ZCCHC4: variants seen among roughly 807,000 people sequenced by gnomAD.
The protein encoded by ZCCHC4 is zinc finger CCHC-type containing 4.
A neutral mutation model predicts 67.7 loss-of-function variants in ZCCHC4; 54 were observed. The ratio of observed to expected loss-of-function variants is 0.80; its 90% CI spans 0.64 to 1.00. The LOEUF is 1.00. ZCCHC4 is among the 50% of genes least tolerant of loss of function. The pLI, the probability that ZCCHC4 is intolerant of heterozygous loss-of-function variation, is 0.00. For synonymous variants in ZCCHC4, 198 were observed against 213.5 expected, an observed-to-expected ratio of 0.93 and a Z score of 0.63; for missense variants, 609 against 617.0, an observed-to-expected ratio of 0.99 and a Z score of 0.14.
chr4:25,340,819 T>A (rs1381662979), intron 5 of ZCCHC4, among the ~76,000 whole-genome samples: 9 of 152,188 alleles, frequency 5.9e-5, no homozygotes, highest in East Asian at 1.9e-4. Flanking sequence ...CTTTAAAAAA[T>A]TTTTCAAAAA....
At chr4:25,342,134 A>G (rs1010120706) in intron 5 of ZCCHC4, among the ~76,000 whole-genome samples, 2 of 152,144 alleles carry the variant, frequency 1.3e-5, no homozygotes, top group African/African-American at 4.8e-5. Flanking sequence ...AGAGGTCAAC[A>G]ATAGTTCTTA....
At chr4:25,347,013 G>C (rs1720056089) in intron 6 of ZCCHC4, among the ~76,000 whole-genome samples, 1 of 152,178 alleles carries the variant, frequency 6.6e-6, no homozygotes, top group African/African-American at 2.4e-5. Flanking sequence ...TTCTAACAGA[G>C]GGAAGTGAAG....
At position 25,369,494 on chromosome 4, in the gene ZCCHC4, C is replaced by T. The variant is rs557556514; in HGVS notation, c.*330C>T. 2.5e-5 allele frequency: 6 copies of T among 238,928 alleles called. No homozygotes were observed. The highest frequency in any genetic ancestry group is 1.8e-4 in the South Asian group (3 of 16,934). The allele number at this position is 238,928 out of a possible 1,614,324, so 14.8% of individuals were successfully genotyped here. Reference sequence around the variant, plus strand: ...TGTCTCCCAGGCTAGAGTGCAATGGCACAACCTCAGCTCACTGCAACCTCT... The same window carrying T: ...TGTCTCCCAGGCTAGAGTGCAATGGTACAACCTCAGCTCACTGCAACCTCT... On this transcript the variant is annotated 3_prime_UTR_variant, in exon 13 of 13. Coordinates refer to ENST00000302874, the MANE Select transcript of ZCCHC4 (RefSeq NM_024936.3).
At chr4:25,342,540 A>G (rs1483165164) in intron 5 of ZCCHC4, among the ~76,000 whole-genome samples, 2 of 152,248 alleles carry the variant, frequency 1.3e-5, no homozygotes, top group East Asian at 1.9e-4. Flanking sequence ...ATGTCAAAAA[A>G]TGAATTTCTT....
rs777768505 is a variant in ZCCHC4 at position 25,324,014 on chromosome 4, G to GGTTTTTTTTTTTTTTTT, written c.329+8614_329+8615insGTTTTTTTTTTTTTTTT. 1.6e-3 allele frequency among the ~76,000 whole-genome samples: 132 copies of GGTTTTTTTTTTTTTTTT among 82,432 alleles called. 2 individuals carry two copies. The highest frequency in any genetic ancestry group is 2.3e-3 in the African/African-American group (44 of 19,174). The allele number at this position is 82,432 out of a possible 152,430, so 54.1% of individuals were successfully genotyped here. A position where few individuals can be genotyped will look rare whatever the true frequency, so the allele number is the denominator to read the frequency against. ...TCGTACAGTATGTACTGTTTTTTGT[G>GGTTTTTTTTTTTTTTTT]TTTTTTTTTTTTTTTTGAGACAGAG... On this transcript the variant is annotated intron_variant, in intron 3 of 12. Transcript: ENST00000302874.
chr4:25,357,521 A>T (rs535582670), intron 8 of ZCCHC4, among the ~76,000 whole-genome samples: 5 of 152,186 alleles, frequency 3.3e-5, no homozygotes, highest in Non-Finnish European at 7.3e-5. Flanking sequence ...ATCCTGTGCT[A>T]CAGTGTACTT....
At chr4:25,336,561 A>G (rs1719472155) in intron 5 of ZCCHC4, among the ~76,000 whole-genome samples, 1 of 152,152 alleles carries the variant, frequency 6.6e-6, no homozygotes, top group African/African-American at 2.4e-5. Context: ...ATCTCAGCTC[A>G]CTGTAACCAC....
chr4:25,334,961 C>T (rs963352909), intron 5 of ZCCHC4, among the ~76,000 whole-genome samples: 3 of 151,996 alleles, frequency 2.0e-5, no homozygotes, highest in African/African-American at 7.2e-5. Flanking sequence ...CCTCAGTCCC[C>T]CTAGTAGCTA....
chr4:25,364,560 T>C, intron 11 of ZCCHC4, 55 bp downstream of exon 11: 1 of 1,381,180 alleles, frequency 7.2e-7, no homozygotes. Context: ...AGAGTTTTTC[T>C]CCATCTAAAT....
intron 5 of ZCCHC4, among the ~76,000 whole-genome samples, chr4:25,338,031 G>A (rs1028431873): frequency 6.6e-6 from 1 of 152,110 alleles, no homozygotes; most frequent in African/African-American, 2.4e-5. Flanking sequence ...CCTTTTTTAT[G>A]CATATAAACA....
chr4:25,358,030 C>T (rs1458842847), intron 8 of ZCCHC4, among the ~76,000 whole-genome samples: 1 of 152,196 alleles, frequency 6.6e-6, no homozygotes, highest in Admixed American at 6.5e-5. Flanking sequence ...TCATAGCAGT[C>T]TTAAAACCAA....
intron 12 of ZCCHC4, 117 bp downstream of exon 12, chr4:25,365,283 T>G: frequency 2.7e-6 from 4 of 1,501,432 alleles, no homozygotes; most frequent in Non-Finnish European, 3.5e-6. Flanking sequence ...TCACTTTCAC[T>G]ATTAAGTACT....
chr4:25,324,209 G>A (rs1489302249), intron 3 of ZCCHC4, among the ~76,000 whole-genome samples: 1 of 150,118 alleles, frequency 6.7e-6, no homozygotes, highest in Non-Finnish European at 1.5e-5. Flanking sequence ...TGGAGATGAG[G>A]TTTCACCATG....
intron 6 of ZCCHC4, among the ~76,000 whole-genome samples, chr4:25,346,244 A>G (rs1039735329): frequency 2.0e-5 from 3 of 152,162 alleles, no homozygotes; most frequent in Non-Finnish European, 4.4e-5. Flanking sequence ...TTCTTTAAAA[A>G]AAAAAAGGAC....
chr4:25,362,238 G>A lies in ZCCHC4; in HGVS notation c.1146G>A (p.Pro382=), dbSNP rs200446605. The A allele has an allele frequency of 7.4e-5, 119 of 1,610,658 alleles. No individual in the cohort carries two copies. Among genetic ancestry groups the A allele is most frequent in the Admixed American group, 6.7e-5 (4 of 59,708 alleles). ...TCCTTTACTCTAGATTTTGCTCTCCGTGTCAACGGTATGTTTCTCTAGAGA... is the reference window on the plus strand; with the variant it reads ...TCCTTTACTCTAGATTTTGCTCTCCATGTCAACGGTATGTTTCTCTAGAGA... ...PTEEGYRFCS[P]CQRYVSLENQ... is the part of the protein sequence containing the mutation. The change falls in exon 10 of 13, where the codon CCG becomes CCA. Residue 382 remains proline, a synonymous_variant. Transcript: ENST00000302874.
chr4:25,334,623 A>G lies in ZCCHC4; in HGVS notation c.686+635A>G, dbSNP rs781036647. On this transcript the variant is annotated intron_variant, in intron 5 of 12. Transcript: ENST00000302874. ...AGTTTTGAAGATACCTTTAACTTATAACATGGATGGTAAATACATTGTCCA... is the reference window on the plus strand; with the variant it reads ...AGTTTTGAAGATACCTTTAACTTATGACATGGATGGTAAATACATTGTCCA... 8.3e-4 allele frequency among the ~76,000 whole-genome samples: 127 copies of G among 152,206 alleles called. 2 individuals carry two copies. Among genetic ancestry groups the G allele is most frequent in the Non-Finnish European group, 3.7e-4 (25 of 68,038 alleles).
chr4:25,313,061 A>G (rs1220859576), intron 1 of ZCCHC4, 125 bp downstream of exon 1: 10 of 1,352,504 alleles, frequency 7.4e-6, no homozygotes, highest in Non-Finnish European at 1.0e-5. Flanking sequence ...TGCCTAGAAA[A>G]TACTCCTTCC....
At chr4:25,328,552 T>C (rs997184690) in intron 3 of ZCCHC4, among the ~76,000 whole-genome samples, 1 of 151,874 alleles carries the variant, frequency 6.6e-6, no homozygotes, top group Non-Finnish European at 1.5e-5. Flanking sequence ...CAATCTATCT[T>C]TTTTCCTCTG....
chr4:25,315,295 A>G (rs779732712), intron 2 of ZCCHC4, 23 bp from the exon 3 acceptor site: 31 of 1,590,274 alleles, frequency 1.9e-5, no homozygotes, highest in East Asian at 1.1e-4. Flanking sequence ...AGTTTATTCA[A>G]TGGGTTTTGT....
Sources: gnomAD v4.1 joint callset for allele counts (sites outside exome capture counted in the v4.1 genomes callset) on GRCh38, gnomAD v4.1.1 for gene constraint, MANE v1.5 for transcripts, NCBI Gene and HGNC (gene_info 2026-07-23, HGNC 2026-07-21) for gene names.